The following VWC2 variants were observed in gnomAD, a reference collection of about 807,000 sequenced individuals.
VWC2 encodes the protein von Willebrand factor C domain containing 2.
VWC2 carries 14 observed loss-of-function variants against 29.8 expected under a neutral mutation model. That is an observed-to-expected ratio of 0.47 (90% CI 0.31 to 0.74). VWC2 has a LOEUF of 0.74. Ranked by LOEUF, VWC2 falls within the 30% of genes least tolerant of loss-of-function variation. VWC2 has a pLI of 0.05. For missense variants in VWC2, 457 were observed against 459.8 expected, an observed-to-expected ratio of 0.99 and a Z score of 0.05; for synonymous variants, 213 against 199.0, an observed-to-expected ratio of 1.07 and a Z score of -0.59.
chr7:49,841,354 A>G (rs1484446090), intron 3 of VWC2, among the ~76,000 whole-genome samples: 1 of 152,076 alleles, frequency 6.6e-6, no homozygotes, highest in East Asian at 1.9e-4. Context: ...AAAAGCAGTA[A>G]ACAGAACAGT....
Position 49,921,590 on chromosome 7 carries a change from T to C in VWC2, c.*9405T>C, listed in dbSNP as rs1288397419. 1 of 152,128 alleles carries C rather than the reference T, an allele frequency of 6.6e-6. No homozygotes were observed. The highest frequency in any genetic ancestry group is 1.5e-5 in the Non-Finnish European group (1 of 68,030). 9.4% of individuals were successfully genotyped at this position (152,128 alleles called of 1,614,324 possible). On this transcript the variant is annotated 3_prime_UTR_variant, in exon 4 of 4. Transcript: ENST00000340652. ...GGTATCAACCACTAAGAGGATTAAA[T>C]GAGTGAATATTTGTAAAACACGTAG...
chr7:49,793,994 G>A (rs1436930449), intron 2 of VWC2, among the ~76,000 whole-genome samples: 1 of 152,196 alleles, frequency 6.6e-6, no homozygotes, highest in East Asian at 1.9e-4. Context: ...CGCTCATTCT[G>A]TGGACTAGCC....
chr7:49,848,104 TG>T (rs1790027751), intron 3 of VWC2, among the ~76,000 whole-genome samples: 1 of 152,122 alleles, frequency 6.6e-6, no homozygotes, highest in Non-Finnish European at 1.5e-5. Flanking sequence ...CTGGGAGAAA[TG>T]TAACAGGAGT....
Position 49,852,664 on chromosome 7 carries a change from A to G in VWC2, c.826+49824A>G, listed in dbSNP as rs188701234. Among the ~76,000 whole-genome samples, 1,132 of 151,840 alleles carry G rather than the reference A, an allele frequency of 7.5e-3. 9 individuals carry two copies. Among genetic ancestry groups the G allele is most frequent in the Non-Finnish European group, 0.01 (698 of 68,016 alleles). ...TGTCTCACCTCCCCTCTTCAGAAAG[A>G]GCCCTACCACCTTGGTGTGACGGAT... is the stretch of plus-strand genomic sequence containing the variant. On this transcript the variant is annotated intron_variant, in intron 3 of 3. Transcript: ENST00000340652.
chr7:49,778,200 T>G (rs1234974883), intron 2 of VWC2, among the ~76,000 whole-genome samples: 1 of 152,100 alleles, frequency 6.6e-6, no homozygotes, highest in East Asian at 1.9e-4. Flanking sequence ...AATTTCCTCT[T>G]TGCTACCTGT....
At chr7:49,795,911 C>A (rs370455217) in intron 2 of VWC2, among the ~76,000 whole-genome samples, 1 of 152,120 alleles carries the variant, frequency 6.6e-6, no homozygotes, top group African/African-American at 2.4e-5. Context: ...AGTGATAGAT[C>A]ATCTGTGTCC....
At chr7:49,840,474 C>T (rs1789769611) in intron 3 of VWC2, among the ~76,000 whole-genome samples, 1 of 152,104 alleles carries the variant, frequency 6.6e-6, no homozygotes, top group African/African-American at 2.4e-5. Context: ...TAGCCCCCAG[C>T]ATGGTGGAAA....
chr7:49,904,138 G>T (rs142398521), intron 3 of VWC2, among the ~76,000 whole-genome samples: 2,516 of 152,276 alleles, frequency 0.017, 243 homozygotes, highest in Admixed American at 0.14. Context: ...AGTAGTTCCT[G>T]CTGGCATTGA....
intron 3 of VWC2, among the ~76,000 whole-genome samples, chr7:49,857,877 T>C (rs1790487280): frequency 6.6e-6 from 1 of 152,198 alleles, no homozygotes; most frequent in Non-Finnish European, 1.5e-5. Context: ...GGTCTGAAAG[T>C]GGTGGTGAGG....
At chr7:49,869,144 A>ATGG (rs1791031283) in intron 3 of VWC2, among the ~76,000 whole-genome samples, 1 of 152,166 alleles carries the variant, frequency 6.6e-6, no homozygotes, top group Admixed American at 6.5e-5. Context: ...TTATGTGCTT[A>ATGG]AACACTACAG....
chr7:49,824,026 T>C (rs574467392), intron 3 of VWC2, among the ~76,000 whole-genome samples: 1 of 152,274 alleles, frequency 6.6e-6, no homozygotes, highest in African/African-American at 2.4e-5. Flanking sequence ...AGTATATGTG[T>C]ATATGGCATT....
chr7:49,890,316 T>C (rs899369346), intron 3 of VWC2, among the ~76,000 whole-genome samples: 1 of 152,174 alleles, frequency 6.6e-6, no homozygotes, highest in African/African-American at 2.4e-5. Flanking sequence ...ACATGCAAAA[T>C]TGTATTTAAT....
At chr7:49,789,915 G>C (rs1788426278) in intron 2 of VWC2, among the ~76,000 whole-genome samples, 1 of 152,220 alleles carries the variant, frequency 6.6e-6, no homozygotes, top group Admixed American at 6.5e-5. Context: ...TGCTCCGGGG[G>C]GCCCTACGGC....
At chr7:49,851,205 C>T (rs972903558) in intron 3 of VWC2, among the ~76,000 whole-genome samples, 7 of 152,156 alleles carry the variant, frequency 4.6e-5, no homozygotes, top group African/African-American at 1.7e-4. Flanking sequence ...TCTCTGTGCC[C>T]GTGTCTTCTC....
intron 2 of VWC2, among the ~76,000 whole-genome samples, chr7:49,778,498 G>T (rs2128700938): frequency 6.6e-6 from 1 of 152,306 alleles, no homozygotes; most frequent in Admixed American, 6.5e-5. Flanking sequence ...ATTTTATAGT[G>T]TTAGAGCATG....
At position 49,913,058 on chromosome 7, in the gene VWC2, C is replaced by T. The variant is rs988951141; in HGVS notation, c.*873C>T. 3 of 152,088 alleles carry T rather than the reference C, an allele frequency of 2.0e-5. No homozygotes were observed. In the East Asian group the frequency reaches 5.8e-4, roughly 29 times the overall value. 9.4% of individuals were successfully genotyped at this position (152,088 alleles called of 1,614,324 possible). ...AGGATAGTTAAGGAAAATCAAACTC[C>T]TAAACAAGTTTATATACCTGAAATC... On this transcript the variant is annotated 3_prime_UTR_variant, in exon 4 of 4. Coordinates refer to ENST00000340652, the MANE Select transcript of VWC2 (RefSeq NM_198570.5).
chr7:49,840,124 G>T (rs1178499578), intron 3 of VWC2, among the ~76,000 whole-genome samples: 1 of 152,338 alleles, frequency 6.6e-6, no homozygotes. Context: ...CTTTCCACCC[G>T]AGGAGAGCCT....
At chr7:49,826,123 G>C (rs1789385891) in intron 3 of VWC2, among the ~76,000 whole-genome samples, 1 of 152,186 alleles carries the variant, frequency 6.6e-6, no homozygotes, top group South Asian at 2.1e-4. Flanking sequence ...TCTGTTTAGA[G>C]TAAACTCTGC....
At chr7:49,812,812 C>T (rs1789044593) in intron 3 of VWC2, among the ~76,000 whole-genome samples, 1 of 152,152 alleles carries the variant, frequency 6.6e-6, no homozygotes, top group Admixed American at 6.5e-5. Context: ...TTGCTTGAAG[C>T]TCAGCTGTTT....
Sources: gnomAD v4.1 joint callset for allele counts (sites outside exome capture counted in the v4.1 genomes callset) on GRCh38, gnomAD v4.1.1 for gene constraint, MANE v1.5 for transcripts, NCBI Gene and HGNC (gene_info 2026-07-23, HGNC 2026-07-21) for gene names.